The following DLGAP1 variants were observed in gnomAD, a reference collection of about 807,000 sequenced individuals.
The protein encoded by DLGAP1 is DLG associated protein 1.
A neutral mutation model predicts 90.8 loss-of-function variants in DLGAP1; 11 were observed. The ratio of observed to expected loss-of-function variants is 0.12; its 90% CI spans 0.08 to 0.20. The LOEUF is 0.20. Among genes scored for constraint, DLGAP1 ranks in the 10% least tolerant of loss-of-function variants. The pLI is 1.00. For missense variants in DLGAP1, 1,050 were observed against 1,333.8 expected (o/e 0.79, Z 3.31); for synonymous variants, 558 against 540.7 (o/e 1.03, Z -0.44).
intron 4 of DLGAP1, chr18:3,845,292 C>T: frequency 6.2e-7 from 1 of 1,612,194 alleles, no homozygotes; most frequent in Non-Finnish European, 8.5e-7. Context: ...TTATTCATCT[C>T]AGCTTTGATT....
intron 5 of DLGAP1, among the ~76,000 whole-genome samples, chr18:3,797,418 A>G (rs1208219243): frequency 1.3e-5 from 2 of 152,060 alleles, no homozygotes; most frequent in South Asian, 2.1e-4. Flanking sequence ...GCTAGCCAGG[A>G]AAAGGGCCCT....
At chr18:3,932,888 G>A (rs2072549939) in intron 3 of DLGAP1, among the ~76,000 whole-genome samples, 1 of 152,176 alleles carries the variant, frequency 6.6e-6, no homozygotes, top group Admixed American at 6.5e-5. Context: ...ATGGAAGCCA[G>A]GTAGGAAAAG....
chr18:3,739,594 G>A (rs1367211622), intron 6 of DLGAP1, among the ~76,000 whole-genome samples: 4 of 141,696 alleles, frequency 2.8e-5, no homozygotes, highest in African/African-American at 1.1e-4. Context: ...CATGGACACA[G>A]GAAGGGGAAC....
chr18:3,593,623 G>A (rs147582355), intron 7 of DLGAP1: 1 of 152,276 alleles, frequency 6.6e-6, no homozygotes, highest in East Asian at 1.9e-4. Flanking sequence ...TGAAATGGAG[G>A]GTAGTGTAAT....
intron 4 of DLGAP1, chr18:3,874,129 A>C (rs1374111774): frequency 6.5e-7 from 1 of 1,549,732 alleles, no homozygotes; most frequent in South Asian, 1.2e-5. Context: ...CCAAATACAA[A>C]GTAATAAAAG....
chr18:4,026,639 T>A (rs773262377), intron 2 of DLGAP1, among the ~76,000 whole-genome samples: 1 of 152,128 alleles, frequency 6.6e-6, no homozygotes, highest in Non-Finnish European at 1.5e-5. Flanking sequence ...CATCAGGAGA[T>A]CACATCATAA....
intron 10 of DLGAP1, among the ~76,000 whole-genome samples, chr18:3,523,127 C>A (rs1418879885): frequency 6.6e-6 from 1 of 152,110 alleles, no homozygotes; most frequent in African/African-American, 2.4e-5. Flanking sequence ...AATCCCAGCA[C>A]TTTGGGACGC....
At chr18:4,359,951 TA>T in intron 1 of DLGAP1, among the ~76,000 whole-genome samples, 1 of 152,340 alleles carries the variant, frequency 6.6e-6, no homozygotes, top group East Asian at 1.9e-4. Context: ...GTAAGGATCA[TA>T]AAAAATTAGT....
At chr18:3,874,575 C>T (rs1568270256) in intron 4 of DLGAP1, 1 of 1,505,786 alleles carries the variant, frequency 6.6e-7, no homozygotes, top group Non-Finnish European at 8.8e-7. Context: ...TATCTCTGAA[C>T]CTCTTCCTAT....
chr18:3,790,514 C>T (rs1251920731), intron 5 of DLGAP1, among the ~76,000 whole-genome samples: 8 of 152,144 alleles, frequency 5.3e-5, no homozygotes, highest in African/African-American at 9.7e-5. Flanking sequence ...AGTGATCCTC[C>T]TGCCTTGGCC....
chr18:4,433,071 AT>A (rs1401861909), intron 1 of DLGAP1, among the ~76,000 whole-genome samples: 5 of 152,198 alleles, frequency 3.3e-5, no homozygotes, highest in African/African-American at 7.2e-5. Context: ...CCAGCTGGAG[AT>A]TTTTTTCCCC....
At chr18:3,642,854 A>G (rs2058987291) in intron 7 of DLGAP1, among the ~76,000 whole-genome samples, 1 of 152,246 alleles carries the variant, frequency 6.6e-6, no homozygotes, top group African/African-American at 2.4e-5. Flanking sequence ...TGGGAGTACA[A>G]AAGGTACAGC....
rs184465387 is a variant in DLGAP1, at chr18:4,317,142, C to T, written c.-267+137864G>A. On this transcript the variant is annotated intron_variant, in intron 1 of 12. Coordinates refer to ENST00000315677, the MANE Select transcript of DLGAP1 (RefSeq NM_004746.4). ...TGAAAATGTAGGGGGGAAAGGAGAGCGCTGGATGCCTTCCTATTTCACATC... is the reference window on the plus strand; with the variant it reads ...TGAAAATGTAGGGGGGAAAGGAGAGTGCTGGATGCCTTCCTATTTCACATC... Among the ~76,000 whole-genome samples, 6 of 152,288 alleles carry T rather than the reference C, an allele frequency of 3.9e-5. No individual in the cohort carries two copies. In the East Asian group the frequency reaches 5.8e-4, roughly 15 times the overall value.
Position 4,292,729 on chromosome 18 carries a change from T to G in DLGAP1, c.-266-141442A>C, listed in dbSNP as rs192146565. On this transcript the variant is annotated intron_variant, in intron 1 of 12. Transcript: ENST00000315677. ...TCTTGCAACTAAATATTAGGCCAGATAGAATTTCAAGGGTAGTCTTTTCTC... is the reference window on the plus strand; with the variant it reads ...TCTTGCAACTAAATATTAGGCCAGAGAGAATTTCAAGGGTAGTCTTTTCTC... 9.9e-5 allele frequency among the ~76,000 whole-genome samples: 15 copies of G among 152,260 alleles called. No individual in the cohort carries two copies. In the South Asian group the frequency reaches 2.9e-3, roughly 29 times the overall value.
At chr18:4,187,590 T>C (rs895115608) in intron 1 of DLGAP1, among the ~76,000 whole-genome samples, 3 of 152,196 alleles carry the variant, frequency 2.0e-5, no homozygotes, top group Non-Finnish European at 4.4e-5. Flanking sequence ...AGAGTATGAT[T>C]AGTATCATCC....
chr18:3,668,587 T>C (rs2059964489), intron 7 of DLGAP1, among the ~76,000 whole-genome samples: 2 of 152,184 alleles, frequency 1.3e-5, no homozygotes, highest in Non-Finnish European at 2.9e-5. Flanking sequence ...GGCAAAATAC[T>C]GGACTCCACT....
chr18:3,597,204 T>C, intron 7 of DLGAP1: 1 of 519,294 alleles, frequency 1.9e-6, no homozygotes, highest in Non-Finnish European at 3.9e-6. Flanking sequence ...GCGAACTTTC[T>C]TTACCTCCTA....
At chr18:4,182,923 T>C (rs2077232224) in intron 1 of DLGAP1, among the ~76,000 whole-genome samples, 1 of 152,066 alleles carries the variant, frequency 6.6e-6, no homozygotes, top group Non-Finnish European at 1.5e-5. Flanking sequence ...AAGAAAACAA[T>C]GTTTGCAGGA....
At chr18:4,303,345 A>G (rs2080172766) in intron 1 of DLGAP1, among the ~76,000 whole-genome samples, 1 of 151,876 alleles carries the variant, frequency 6.6e-6, no homozygotes, top group African/African-American at 2.4e-5. Flanking sequence ...GCAGAACATC[A>G]CAGCTGCATA....
Sources: gnomAD v4.1 joint callset for allele counts (sites outside exome capture counted in the v4.1 genomes callset) on GRCh38, gnomAD v4.1.1 for gene constraint, MANE v1.5 for transcripts, NCBI Gene and HGNC (gene_info 2026-07-23, HGNC 2026-07-21) for gene names.